Variants in LPP observed in about 807,000 individuals in gnomAD.
LPP encodes the protein LIM domain containing preferred translocation partner in lipoma, also known as lipoma-preferred partner.
In LPP, 38 loss-of-function variants were observed where a neutral mutation model predicts 60.4. The observed-to-expected ratio is 0.63, with a 90% CI of 0.49 to 0.83. The LOEUF is 0.83. LPP is among the 40% of genes least tolerant of loss of function. LPP has a pLI of 0.00. For synonymous variants in LPP, 328 were observed against 290.8 expected (o/e 1.13, Z -1.30); for missense variants, 902 against 783.6 (o/e 1.15, Z -1.80).
chr3:188,866,347 G>A lies in LPP; in HGVS notation c.1558G>A (p.Gly520Arg), dbSNP rs755218802. Residue 520 changes from glycine to arginine, a missense_variant, in exon 10 of 12, where the codon GGG (glycine) becomes AGG (arginine). By Grantham distance (125) the Gly-to-Arg change is moderately radical (BLOSUM62 -2). Coordinates refer to ENST00000617246, the MANE Select transcript of LPP (RefSeq NM_001375462.1). Reference protein sequence around the residue: ...DGIPFTVDAGGLIHCIEDFHK... With the variant: ...DGIPFTVDAGRLIHCIEDFHK... ...GATCCCATTCACTGTGGATGCTGGC[G>A]GGCTCATTCACTGCATTGAGGACTT... 53 of 1,559,528 alleles carry A rather than the reference G, an allele frequency of 3.4e-5. No homozygotes were observed. The highest frequency in any genetic ancestry group is 4.4e-5 in the Non-Finnish European group (51 of 1,150,696).
chr3:188,813,587 C>A (rs1205603933), intron 9 of LPP, among the ~76,000 whole-genome samples: 1 of 152,120 alleles, frequency 6.6e-6, no homozygotes. Flanking sequence ...TAGCAAAGTT[C>A]TAGATTCTCT....
chr3:188,636,482 G>C (rs949536365), intron 7 of LPP, among the ~76,000 whole-genome samples: 6 of 152,164 alleles, frequency 3.9e-5, no homozygotes, highest in African/African-American at 1.4e-4. Flanking sequence ...CTGGGGGAGG[G>C]GCGCCCACCA....
intron 6 of LPP, among the ~76,000 whole-genome samples, chr3:188,564,716 C>T (rs933140438): frequency 1.3e-5 from 2 of 151,916 alleles, no homozygotes; most frequent in Non-Finnish European, 2.9e-5. Context: ...AACTAGACAA[C>T]CAAGCCTCAT....
chr3:188,267,796 T>C (rs1352956045), intron 2 of LPP, among the ~76,000 whole-genome samples: 1 of 152,136 alleles, frequency 6.6e-6, no homozygotes, highest in Non-Finnish European at 1.5e-5. Flanking sequence ...TTTAGCATGC[T>C]CACTTTAGAT....
chr3:188,701,556 C>A (rs964867639), intron 7 of LPP, among the ~76,000 whole-genome samples: 1 of 152,230 alleles, frequency 6.6e-6, no homozygotes, highest in African/African-American at 2.4e-5. Context: ...GGCCCAGTCT[C>A]CATCCTTCCT....
At position 188,888,493 on chromosome 3, in the gene LPP, G is replaced by A. The variant is rs552545269; in HGVS notation, c.*14014G>A. ...CCAGCTCTGAATATAGCCATTTGCC[G>A]ACTCCGGCCTCTTTGCGAGACTGAC... On this transcript the variant is annotated 3_prime_UTR_variant, in exon 12 of 12. Coordinates refer to ENST00000617246, the MANE Select transcript of LPP (RefSeq NM_001375462.1). The A allele has an allele frequency of 8.3e-5, 19 of 228,042 alleles. No individual in the cohort carries two copies. The South Asian group carries it at 1.1e-3, about 13-fold the overall frequency. The allele number at this position is 228,042 out of a possible 1,614,324, so 14.1% of individuals were successfully genotyped here. A position where few individuals can be genotyped will look rare whatever the true frequency, so the allele number is the denominator to read the frequency against.
intron 7 of LPP, among the ~76,000 whole-genome samples, chr3:188,673,505 A>T (rs1857364032): frequency 1.3e-5 from 2 of 152,194 alleles, no homozygotes; most frequent in South Asian, 4.1e-4. Context: ...TAGTACCAAC[A>T]TCAATCATAA....
At chr3:188,436,013 C>T (rs1243018876) in intron 4 of LPP, among the ~76,000 whole-genome samples, 2 of 152,164 alleles carry the variant, frequency 1.3e-5, no homozygotes, top group East Asian at 1.9e-4. Context: ...CTGTCCCAAA[C>T]CTAATATTAA....
chr3:188,280,715 C>A (rs1741663557), intron 2 of LPP, among the ~76,000 whole-genome samples: 1 of 152,064 alleles, frequency 6.6e-6, no homozygotes, highest in African/African-American at 2.4e-5. Flanking sequence ...AGGGTCTTAA[C>A]CAGTTCCCGT....
chr3:188,315,331 T>TA (rs1754712249), intron 2 of LPP, among the ~76,000 whole-genome samples: 1 of 152,108 alleles, frequency 6.6e-6, no homozygotes, highest in Non-Finnish European at 1.5e-5. Flanking sequence ...ATTATTTATT[T>TA]AAAAAATAGC....
intron 9 of LPP, among the ~76,000 whole-genome samples, chr3:188,770,146 A>G (rs1229567029): frequency 9.1e-6 from 1 of 109,396 alleles, no homozygotes; most frequent in Admixed American, 9.3e-5. Flanking sequence ...CCTATTCCTC[A>G]TTTTCTTTCA....
At chr3:188,755,764 C>T (rs1226211375) in intron 8 of LPP, among the ~76,000 whole-genome samples, 2 of 130,362 alleles carry the variant, frequency 1.5e-5, no homozygotes, top group African/African-American at 2.9e-5. Context: ...GAACCATGAT[C>T]GCACTACTGC....
At chr3:188,753,729 A>C (rs576207749) in intron 8 of LPP, among the ~76,000 whole-genome samples, 2 of 151,818 alleles carry the variant, frequency 1.3e-5, no homozygotes, top group Non-Finnish European at 2.9e-5. Flanking sequence ...CACTCATCCT[A>C]GTGGCAGTCA....
Position 188,889,280 on chromosome 3 carries a change from G to C in LPP, c.*14801G>C. 4.3e-6 allele frequency: 1 copy of C among 231,256 alleles called. No homozygotes were observed. Among genetic ancestry groups the C allele is most frequent in the Non-Finnish European group, 8.6e-6 (1 of 116,758 alleles). 14.3% of individuals were successfully genotyped at this position (231,256 alleles called of 1,614,324 possible). A position where few individuals can be genotyped will look rare whatever the true frequency, so the allele number is the denominator to read the frequency against. ...ATACTGTTGATGGAGCAGCAGCATA[G>C]CCTAGAGTGATGCATTCTTACCCAG... On this transcript the variant is annotated 3_prime_UTR_variant, in exon 12 of 12. Transcript: ENST00000617246.
At chr3:188,189,895 T>G (rs1007495729) in intron 1 of LPP, among the ~76,000 whole-genome samples, 24 of 150,226 alleles carry the variant, frequency 1.6e-4, no homozygotes, top group African/African-American at 5.7e-4. Context: ...CGAAGAGGGG[T>G]GATTGATGAG....
At chr3:188,816,386 A>G (rs1752511893) in intron 9 of LPP, among the ~76,000 whole-genome samples, 1 of 151,868 alleles carries the variant, frequency 6.6e-6, no homozygotes, top group South Asian at 2.1e-4. Context: ...TATTTTTAGT[A>G]GAGACGGAGT....
At chr3:188,438,530 G>A (rs1007268730) in intron 4 of LPP, among the ~76,000 whole-genome samples, 2 of 151,996 alleles carry the variant, frequency 1.3e-5, no homozygotes, top group African/African-American at 4.8e-5. Flanking sequence ...TACTACCCAG[G>A]CAACCTGGCC....
chr3:188,453,029 G>C (rs184596138), intron 4 of LPP, among the ~76,000 whole-genome samples: 2 of 152,278 alleles, frequency 1.3e-5, no homozygotes, highest in Non-Finnish European at 2.9e-5. Flanking sequence ...GGTTGTTTGA[G>C]ATGCCTTCTT....
At chr3:188,674,250 C>T (rs150706963) in intron 7 of LPP, among the ~76,000 whole-genome samples, 106 of 152,314 alleles carry the variant, frequency 7.0e-4, no homozygotes, top group African/African-American at 2.4e-3. Context: ...CTCAAAAGCT[C>T]CTACCTTTGA....
Sources: allele counts gnomAD v4.1 joint callset (sites outside exome capture counted in the v4.1 genomes callset), GRCh38; gene constraint gnomAD v4.1.1; transcripts MANE v1.5; gene names NCBI Gene and HGNC (gene_info 2026-07-23, HGNC 2026-07-21).